Variants in PHTF2 observed in about 807,000 individuals in gnomAD.
PHTF2 encodes putative homeodomain transcription factor 2.
In PHTF2, 60 loss-of-function variants were observed where a neutral mutation model predicts 101.2. The ratio of observed to expected loss-of-function variants is 0.59; its 90% CI spans 0.48 to 0.73. The LOEUF (loss-of-function observed/expected upper bound fraction) is 0.73, where lower values mean the gene tolerates loss of function less well. PHTF2 is among the 30% of genes least tolerant of loss of function. PHTF2 has a pLI of 0.00. For synonymous variants in PHTF2, 311 were observed against 307.3 expected (o/e 1.01, Z -0.13); for missense variants, 747 against 908.7 (o/e 0.82, Z 2.29).
intron 3 of PHTF2, among the ~76,000 whole-genome samples, chr7:77,864,453 C>T (rs1193663383): frequency 1.3e-5 from 2 of 152,170 alleles, no homozygotes; most frequent in Admixed American, 6.5e-5. Flanking sequence ...AGGCCTATAA[C>T]GATTTTTCTG....
chr7:77,926,208 C>T (rs938247048), intron 11 of PHTF2, among the ~76,000 whole-genome samples: 6 of 152,136 alleles, frequency 3.9e-5, no homozygotes, highest in Non-Finnish European at 8.8e-5. Context: ...CTGCAACAGA[C>T]GTTATATATA....
At chr7:77,866,604 G>A (rs1441694078) in intron 3 of PHTF2, among the ~76,000 whole-genome samples, 1 of 151,402 alleles carries the variant, frequency 6.6e-6, no homozygotes, top group East Asian at 1.9e-4. Context: ...CAATTGTCTC[G>A]TCAGTAAAAA....
At chr7:77,935,773 TGA>T (rs1805071157) in intron 12 of PHTF2, among the ~76,000 whole-genome samples, 1 of 152,192 alleles carries the variant, frequency 6.6e-6, no homozygotes. Context: ...TATTCCAGAC[TGA>T]GAGTTTAAAA....
chr7:77,860,798 A>C (rs1254280468), intron 3 of PHTF2, among the ~76,000 whole-genome samples: 1 of 151,852 alleles, frequency 6.6e-6, no homozygotes, highest in Non-Finnish European at 1.5e-5. Context: ...TGCAGCCTTG[A>C]CCTCCTCGGC....
At chr7:77,874,399 C>A (rs2150727850) in intron 3 of PHTF2, among the ~76,000 whole-genome samples, 1 of 152,178 alleles carries the variant, frequency 6.6e-6, no homozygotes, top group South Asian at 2.1e-4. Flanking sequence ...AATGGAATAA[C>A]TATATATATA....
intron 2 of PHTF2, among the ~76,000 whole-genome samples, chr7:77,849,927 A>G (rs1455413778): frequency 6.6e-6 from 1 of 152,214 alleles, no homozygotes; most frequent in Non-Finnish European, 1.5e-5. Context: ...GGTTTTTCCA[A>G]GTAAAAGATC....
At chr7:77,819,418 T>G (rs1794099524) in intron 1 of PHTF2, among the ~76,000 whole-genome samples, 1 of 152,220 alleles carries the variant, frequency 6.6e-6, no homozygotes, top group Non-Finnish European at 1.5e-5. Flanking sequence ...CTTCTATCCC[T>G]AATTTGAGAG....
chr7:77,890,769 C>A (rs1390324224), intron 3 of PHTF2, among the ~76,000 whole-genome samples: 3 of 151,808 alleles, frequency 2.0e-5, no homozygotes, highest in Non-Finnish European at 4.4e-5. Context: ...CCACACCCAG[C>A]TAATTTTTTG....
chr7:77,867,100 A>T (rs1183726933), intron 3 of PHTF2, among the ~76,000 whole-genome samples: 1 of 152,242 alleles, frequency 6.6e-6, no homozygotes, highest in African/African-American at 2.4e-5. Context: ...TTGATTAATA[A>T]TACTAATTAT....
At chr7:77,843,712 T>A (rs1022421741) in intron 2 of PHTF2, among the ~76,000 whole-genome samples, 2 of 152,216 alleles carry the variant, frequency 1.3e-5, no homozygotes, top group African/African-American at 4.8e-5. Context: ...GACTAGCTAA[T>A]GGTTCTCAGC....
At chr7:77,880,198 T>C (rs558966694) in intron 3 of PHTF2, among the ~76,000 whole-genome samples, 6 of 152,338 alleles carry the variant, frequency 3.9e-5, no homozygotes, top group Admixed American at 3.9e-4. Flanking sequence ...CATAACATTT[T>C]ATTCTCTGAG....
At chr7:77,927,305 C>T (rs553307946) in intron 11 of PHTF2, among the ~76,000 whole-genome samples, 20 of 151,252 alleles carry the variant, frequency 1.3e-4, no homozygotes, top group African/African-American at 4.6e-4. Flanking sequence ...TAAATAATAA[C>T]TCACTTCAGG....
At chr7:77,862,446 C>G (rs1406339283) in intron 3 of PHTF2, among the ~76,000 whole-genome samples, 2 of 151,992 alleles carry the variant, frequency 1.3e-5, no homozygotes, top group African/African-American at 2.4e-5. Flanking sequence ...TTGCTTATGA[C>G]TTTTTTTGGA....
intron 9 of PHTF2, among the ~76,000 whole-genome samples, chr7:77,917,379 C>T (rs189022737): frequency 2.6e-5 from 4 of 152,276 alleles, no homozygotes; most frequent in Non-Finnish European, 4.4e-5. Context: ...ACACTTGTTG[C>T]GATTGGGGTG....
chr7:77,922,880 C>T (rs1803613414), intron 11 of PHTF2, 102 bp downstream of exon 10: 2 of 1,265,424 alleles, frequency 1.6e-6, no homozygotes, highest in Non-Finnish European at 2.1e-6. Flanking sequence ...AAATATTTCA[C>T]ATTATTATCA....
At chr7:77,900,030 G>A (rs182645475) in intron 5 of PHTF2, among the ~76,000 whole-genome samples, 11 of 151,766 alleles carry the variant, frequency 7.2e-5, no homozygotes, top group Admixed American at 7.2e-4. Flanking sequence ...TATACTGATA[G>A]CAGAAACTTA....
chr7:77,855,225 G>C (rs376820776), intron 3 of PHTF2, among the ~76,000 whole-genome samples: 14 of 152,286 alleles, frequency 9.2e-5, no homozygotes, highest in African/African-American at 2.9e-4. Flanking sequence ...CAAGGCAGTG[G>C]GTTCCCTTCT....
chr7:77,915,979 C>CTGTGTGTGTGTG (rs34376513), intron 9 of PHTF2, among the ~76,000 whole-genome samples: 21 of 147,914 alleles, frequency 1.4e-4, no homozygotes, highest in East Asian at 4.0e-4. Flanking sequence ...ATTTGTGTGT[C>CTGTGTGTGTGTG]TGTGTGTGTG....
chr7:77,908,445 A>G (rs989906527), intron 7 of PHTF2, among the ~76,000 whole-genome samples: 1 of 152,168 alleles, frequency 6.6e-6, no homozygotes. Context: ...TTATTTGTAA[A>G]ACAAAGAAAT....
Sources: allele counts gnomAD v4.1 joint callset (sites outside exome capture counted in the v4.1 genomes callset), GRCh38; gene constraint gnomAD v4.1.1; transcripts MANE v1.5; gene names NCBI Gene and HGNC (gene_info 2026-07-23, HGNC 2026-07-21).